The following GRM7 variants were observed in gnomAD, a reference collection of about 807,000 sequenced individuals.
The protein encoded by GRM7 is glutamate metabotropic receptor 7, also known as metabotropic glutamate receptor 7.
A neutral mutation model predicts 84.5 loss-of-function variants in GRM7; 35 were observed. The ratio of observed to expected loss-of-function variants is 0.41; its 90% CI spans 0.32 to 0.55. The LOEUF (loss-of-function observed/expected upper bound fraction) is 0.55, where lower values mean the gene tolerates loss of function less well. Ranked by LOEUF, GRM7 falls within the 20% of genes least tolerant of loss-of-function variation. The pLI, the probability that GRM7 is intolerant of heterozygous loss-of-function variation, is 0.19. For missense variants in GRM7, 1,003 were observed against 1,194.6 expected, an observed-to-expected ratio of 0.84 and a Z score of 2.36; for synonymous variants, 487 against 455.1, an observed-to-expected ratio of 1.07 and a Z score of -0.89.
chr3:7,550,248 T>C (rs1693382736), intron 7 of GRM7, among the ~76,000 whole-genome samples: 1 of 149,586 alleles, frequency 6.7e-6, no homozygotes, highest in Admixed American at 6.7e-5. Flanking sequence ...AGCCACTTTC[T>C]CTCCTCCTCC....
chr3:7,300,297 C>CCCTG (rs1341282284), intron 3 of GRM7, among the ~76,000 whole-genome samples: 1 of 152,194 alleles, frequency 6.6e-6, no homozygotes, highest in African/African-American at 2.4e-5. Flanking sequence ...CTGTCTCTTT[C>CCCTG]CCTGCTTTGT....
intron 2 of GRM7, among the ~76,000 whole-genome samples, chr3:7,199,854 T>C (rs1266547172): frequency 4.6e-5 from 7 of 152,204 alleles, no homozygotes; most frequent in African/African-American, 1.7e-4. Context: ...ATGTCATATA[T>C]ATGGAATCTT....
chr3:7,303,006 T>C (rs1381826349), intron 3 of GRM7, among the ~76,000 whole-genome samples: 1 of 148,812 alleles, frequency 6.7e-6, no homozygotes, highest in Admixed American at 6.7e-5. Context: ...AGTGGCGCGA[T>C]CTCAGCTCAC....
At chr3:7,736,801 T>C (rs1301715082) in intron 9 of GRM7, among the ~76,000 whole-genome samples, 2 of 152,182 alleles carry the variant, frequency 1.3e-5, no homozygotes, top group African/African-American at 2.4e-5. Flanking sequence ...GTTTTTATCC[T>C]TTTTGGATGT....
At chr3:6,925,191 A>G (rs1697257487) in intron 1 of GRM7, among the ~76,000 whole-genome samples, 2 of 152,298 alleles carry the variant, frequency 1.3e-5, no homozygotes, top group Middle Eastern at 3.4e-3. Context: ...TTTACTCTAT[A>G]TAGGCATTTA....
intron 7 of GRM7, among the ~76,000 whole-genome samples, chr3:7,557,972 AGT>A (rs1274728182): frequency 6.6e-6 from 1 of 152,070 alleles, no homozygotes; most frequent in Non-Finnish European, 1.5e-5. Flanking sequence ...CTCAAGAGAG[AGT>A]GGAGGGAGTG....
intron 9 of GRM7, among the ~76,000 whole-genome samples, chr3:7,690,094 A>G (rs1171896721): frequency 6.6e-6 from 1 of 152,174 alleles, no homozygotes; most frequent in Non-Finnish European, 1.5e-5. Context: ...AAGTATACAC[A>G]AAGAACCTGC....
chr3:7,089,701 A>G (rs1244508775), intron 1 of GRM7, among the ~76,000 whole-genome samples: 1 of 152,208 alleles, frequency 6.6e-6, no homozygotes, highest in African/African-American at 2.4e-5. Context: ...AATCTTTGAC[A>G]ACCTTACATT....
chr3:7,267,710 G>A (rs906542921), intron 2 of GRM7, among the ~76,000 whole-genome samples: 1 of 152,150 alleles, frequency 6.6e-6, no homozygotes, highest in African/African-American at 2.4e-5. Flanking sequence ...ATATAGCGGG[G>A]AAAGACGGAA....
intron 2 of GRM7, among the ~76,000 whole-genome samples, chr3:7,269,596 T>A (rs992994631): frequency 6.6e-6 from 1 of 152,224 alleles, no homozygotes; most frequent in Non-Finnish European, 1.5e-5. Context: ...CCTCCTCTGA[T>A]GATTTTTAGC....
At chr3:7,483,082 C>A (rs1198740675) in intron 7 of GRM7, among the ~76,000 whole-genome samples, 1 of 152,114 alleles carries the variant, frequency 6.6e-6, no homozygotes, top group East Asian at 1.9e-4. Flanking sequence ...ATCTTTTCAG[C>A]ATATCCAATG....
intron 9 of GRM7, among the ~76,000 whole-genome samples, chr3:7,730,821 G>A (rs528195395): frequency 1.3e-5 from 2 of 152,202 alleles, no homozygotes; most frequent in African/African-American, 4.8e-5. Context: ...ATAATATATT[G>A]AAATTATAAA....
At chr3:7,328,009 A>G (rs891330862) in intron 4 of GRM7, among the ~76,000 whole-genome samples, 1 of 152,190 alleles carries the variant, frequency 6.6e-6, no homozygotes, top group Non-Finnish European at 1.5e-5. Flanking sequence ...GGTCAGGGCT[A>G]CTAGCTTCCA....
intron 7 of GRM7, among the ~76,000 whole-genome samples, chr3:7,535,781 A>C (rs1290881362): frequency 6.6e-6 from 1 of 152,230 alleles, no homozygotes; most frequent in Non-Finnish European, 1.5e-5. Context: ...TAAGTTACCC[A>C]AGCTACAGAG....
intron 1 of GRM7, among the ~76,000 whole-genome samples, chr3:6,877,259 G>C (rs1278642975): frequency 4.6e-5 from 7 of 151,884 alleles, no homozygotes; most frequent in Non-Finnish European, 1.0e-4. Flanking sequence ...TTTGATGCAG[G>C]GAGCCTAGCT....
At chr3:6,962,931 C>T (rs778008840) in intron 1 of GRM7, among the ~76,000 whole-genome samples, 2 of 152,336 alleles carry the variant, frequency 1.3e-5, no homozygotes, top group Non-Finnish European at 2.9e-5. Context: ...CTCTGGCTAT[C>T]ATCAATCATG....
At chr3:7,405,895 G>A (rs957674952) in intron 4 of GRM7, among the ~76,000 whole-genome samples, 5 of 151,680 alleles carry the variant, frequency 3.3e-5, no homozygotes, top group Admixed American at 3.3e-4. Flanking sequence ...TCAACAGTGT[G>A]TTATTACTAT....
At chr3:7,437,793 G>A (rs1697121322) in intron 5 of GRM7, among the ~76,000 whole-genome samples, 1 of 151,980 alleles carries the variant, frequency 6.6e-6, no homozygotes, top group African/African-American at 2.4e-5. Flanking sequence ...TCTTTGCATA[G>A]CCTAAGGCTA....
intron 5 of GRM7, among the ~76,000 whole-genome samples, chr3:7,417,617 C>T (rs766512467): frequency 2.0e-5 from 3 of 152,070 alleles, no homozygotes; most frequent in Non-Finnish European, 2.9e-5. Flanking sequence ...TGAAGATCTG[C>T]GCTGTGAATA....
Sources: allele counts gnomAD v4.1 joint callset (sites outside exome capture counted in the v4.1 genomes callset), GRCh38; gene constraint gnomAD v4.1.1; transcripts MANE v1.5; gene names NCBI Gene and HGNC (gene_info 2026-07-23, HGNC 2026-07-21).